The following ATP2B2 variants were observed in gnomAD, a reference collection of about 807,000 sequenced individuals.
The protein encoded by ATP2B2 is plasma membrane calcium-transporting ATPase 2.
ATP2B2 carries 15 observed loss-of-function variants against 120.0 expected under a neutral mutation model. That is an observed-to-expected ratio of 0.12 (90% CI 0.08 to 0.19). The LOEUF is 0.19. ATP2B2 is among the 10% of genes least tolerant of loss of function. The probability of loss-of-function intolerance (pLI) is 1.00; values close to 1 mark genes in which losing one functional copy is unlikely to be tolerated. For missense variants in ATP2B2, 1,045 were observed against 1,719.8 expected (o/e 0.61, Z 6.94); for synonymous variants, 694 against 700.3 (o/e 0.99, Z 0.14).
chr3:10,364,437 G>A (rs1040064205), intron 12 of ATP2B2, among the ~76,000 whole-genome samples: 10 of 152,286 alleles, frequency 6.6e-5, no homozygotes, highest in South Asian at 2.1e-4. Context: ...CAGGCCAGGT[G>A]TGGTGGCTCA....
intron 2 of ATP2B2, among the ~76,000 whole-genome samples, chr3:10,609,899 C>T (rs1192708429): frequency 6.6e-6 from 1 of 152,034 alleles, no homozygotes; most frequent in East Asian, 1.9e-4. Context: ...TCCCTCTCTC[C>T]CATCCTCGGC....
At chr3:10,671,984 T>C (rs1220433899) in intron 1 of ATP2B2, among the ~76,000 whole-genome samples, 1 of 152,224 alleles carries the variant, frequency 6.6e-6, no homozygotes, top group Non-Finnish European at 1.5e-5. Context: ...CAGAGGGTCC[T>C]GAGTTACATA....
At position 10,456,244 on chromosome 3, in the gene ATP2B2, G is replaced by T. The variant is rs561834262; in HGVS notation, c.-319-6382C>A. Among the ~76,000 whole-genome samples, 3 of 152,336 alleles carry T rather than the reference G, an allele frequency of 2.0e-5. No individual in the cohort carries two copies. In the South Asian group the frequency reaches 6.2e-4, roughly 32 times the overall value. On this transcript the variant is annotated intron_variant, in intron 1 of 22. Transcript: ENST00000360273. ...GCTGGGACAGTCGTACATGAATTAT[G>T]TGCTAAAAATAACTTCTGGATGCCA...
chr3:10,459,813 C>T (rs111401798), intron 1 of ATP2B2, among the ~76,000 whole-genome samples: 1,586 of 152,352 alleles, frequency 0.01, 37 homozygotes, highest in African/African-American at 0.036. Context: ...ACTCCAGCCC[C>T]GCCATTTATA....
chr3:10,389,167 G>A (rs1275937008), intron 5 of ATP2B2, among the ~76,000 whole-genome samples: 2 of 152,216 alleles, frequency 1.3e-5, no homozygotes, highest in Non-Finnish European at 2.9e-5. Context: ...CTTTCCAGGG[G>A]CTGGAAGTGT....
In ATP2B2 at chr3:10,399,442, C is replaced by A. The variant is rs1321028062; in HGVS notation, c.781+1511G>T. ...TCCCTGATGAACTCAGATTCCTGTG[C>A]CTTTCCTGCAGGTCTCTATACCTCA... On this transcript the variant is annotated intron_variant, in intron 5 of 22. Coordinates refer to ENST00000360273, the MANE Select transcript of ATP2B2 (RefSeq NM_001001331.4). Among the ~76,000 whole-genome samples the A allele has an allele frequency of 2.6e-5, 4 of 152,198 alleles. No individual in the cohort carries two copies. In the East Asian group the frequency reaches 5.8e-4, roughly 22 times the overall value.
chr3:10,582,744 G>C (rs9820655), intron 2 of ATP2B2, among the ~76,000 whole-genome samples: 54,651 of 152,044 alleles, frequency 0.36, 10,234 homozygotes, highest in East Asian at 0.71. Flanking sequence ...TGATCTAAGA[G>C]AAGGGCAGGG....
chr3:10,453,294 A>G (rs2064130761), intron 1 of ATP2B2, among the ~76,000 whole-genome samples: 1 of 152,228 alleles, frequency 6.6e-6, no homozygotes, highest in Admixed American at 6.5e-5. Flanking sequence ...TAAATGAGTT[A>G]TTTCGTTTAA....
intron 3 of ATP2B2, among the ~76,000 whole-genome samples, chr3:10,518,674 C>T (rs2066922491): frequency 6.6e-6 from 1 of 152,250 alleles, no homozygotes; most frequent in South Asian, 2.1e-4. Context: ...AGTTACAGAG[C>T]CCCTCGCCTC....
intron 1 of ATP2B2, among the ~76,000 whole-genome samples, chr3:10,631,524 C>T (rs927922848): frequency 6.6e-6 from 1 of 152,176 alleles, no homozygotes; most frequent in Non-Finnish European, 1.5e-5. Context: ...ATCAAGCTGC[C>T]ACCCCTCTAA....
At chr3:10,364,274 G>A (rs778172894) in intron 12 of ATP2B2, among the ~76,000 whole-genome samples, 2 of 152,156 alleles carry the variant, frequency 1.3e-5, no homozygotes, top group African/African-American at 2.4e-5. Context: ...TTTTAGTTTT[G>A]CAACCTGAAA....
In ATP2B2 at chr3:10,494,019, G is replaced by T. The variant is rs529784112; in HGVS notation, c.-320+11446C>A. ...AGTGTGGGGCTGGGAAGGTAGGGTGGGGACAGGCACTCCATCACAAATGCA... is the reference window on the plus strand; with the variant it reads ...AGTGTGGGGCTGGGAAGGTAGGGTGTGGACAGGCACTCCATCACAAATGCA... On this transcript the variant is annotated intron_variant, in intron 1 of 22. Coordinates refer to ENST00000360273, the MANE Select transcript of ATP2B2 (RefSeq NM_001001331.4). Among the ~76,000 whole-genome samples the T allele has an allele frequency of 1.1e-4, 16 of 152,298 alleles. No individual in the cohort carries two copies. The South Asian group carries it at 2.9e-3, about 28-fold the overall frequency.
At chr3:10,595,882 G>A (rs944306905) in intron 2 of ATP2B2, among the ~76,000 whole-genome samples, 7 of 152,048 alleles carry the variant, frequency 4.6e-5, no homozygotes, top group Non-Finnish European at 7.3e-5. Context: ...ATCTGACCTC[G>A]TCTCTTATTG....
intron 2 of ATP2B2, among the ~76,000 whole-genome samples, chr3:10,543,295 T>C (rs1456245227): frequency 6.6e-6 from 1 of 152,244 alleles, no homozygotes; most frequent in East Asian, 1.9e-4. Context: ...TATGGCAGTC[T>C]GAGCTTGAAT....
At chr3:10,594,081 G>T (rs2068705613) in intron 2 of ATP2B2, among the ~76,000 whole-genome samples, 1 of 152,200 alleles carries the variant, frequency 6.6e-6, no homozygotes, top group South Asian at 2.1e-4. Context: ...ATGCTGGAGA[G>T]GATGTGGAGA....
At chr3:10,390,669 G>C (rs994462410) in intron 5 of ATP2B2, among the ~76,000 whole-genome samples, 1 of 152,168 alleles carries the variant, frequency 6.6e-6, no homozygotes, top group Non-Finnish European at 1.5e-5. Flanking sequence ...AGTCATGAAG[G>C]CTCACAGAGG....
At chr3:10,518,059 G>A (rs977476077) in intron 3 of ATP2B2, among the ~76,000 whole-genome samples, 1 of 152,018 alleles carries the variant, frequency 6.6e-6, no homozygotes, top group African/African-American at 2.4e-5. Context: ...GGGTGGGGAG[G>A]GCTTGAAACC....
rs1365490587 is a variant in ATP2B2, at chr3:10,329,737, A to G, written c.3421-612T>C. Among the ~76,000 whole-genome samples the G allele has an allele frequency of 6.6e-6, 1 of 152,172 alleles. No individual in the cohort carries two copies. The highest frequency in any genetic ancestry group is 1.5e-5 in the Non-Finnish European group (1 of 68,036). On this transcript the variant is annotated intron_variant, in intron 22 of 22. Coordinates refer to ENST00000360273, the MANE Select transcript of ATP2B2 (RefSeq NM_001001331.4). The surrounding 1 kb of genome is among the most constrained non-coding windows in gnomAD (Gnocchi z 5.9). ...AAGGCAGCAAAGCAAACCAAAGCCA[A>G]CCCAGGGCTTTCTGAGGTGCAGAGC...
Position 10,592,920 on chromosome 3 carries a change from C to CTACAGGT in ATP2B2, c.-415+26990_-415+26996dup, listed in dbSNP as rs574362982. Among the ~76,000 whole-genome samples the CTACAGGT allele has an allele frequency of 1.7e-3, 254 of 152,298 alleles. 2 individuals are homozygous for CTACAGGT. The highest frequency in any genetic ancestry group is 5.8e-3 in the African/African-American group (243 of 41,554). On this transcript the variant is annotated intron_variant, in intron 2 of 21. Transcript: ENST00000646379. ...ACCTCAGCCTCCTGAGTAGCTGGGACTACAGGTATGCACCACCACCACGCC... is the reference window on the plus strand; with the variant it reads ...ACCTCAGCCTCCTGAGTAGCTGGGACTACAGGTTACAGGTATGCACCACCACCACGCC...
Sources: allele counts gnomAD v4.1 joint callset (sites outside exome capture counted in the v4.1 genomes callset), GRCh38; gene constraint gnomAD v4.1.1; non-coding constraint Gnocchi (gnomAD v3.1); transcripts MANE v1.5; gene names NCBI Gene and HGNC (gene_info 2026-07-23, HGNC 2026-07-21).